KIAA1217: variants seen among roughly 807,000 people sequenced by gnomAD.
The protein encoded by KIAA1217 is KIAA1217.
A neutral mutation model predicts 163.9 loss-of-function variants in KIAA1217; 88 were observed. That is an observed-to-expected ratio of 0.54 (90% CI 0.45 to 0.64). KIAA1217 has a LOEUF of 0.64. Ranked by LOEUF, KIAA1217 falls within the 30% of genes least tolerant of loss-of-function variation. KIAA1217 has a pLI of 0.00. For missense variants in KIAA1217, 2,372 were observed against 2,475.0 expected, an observed-to-expected ratio of 0.96 and a Z score of 0.88; for synonymous variants, 903 against 923.1, an observed-to-expected ratio of 0.98 and a Z score of 0.39.
At chr10:24,344,448 A>G (rs2047476976) in intron 2 of KIAA1217, among the ~76,000 whole-genome samples, 2 of 152,190 alleles carry the variant, frequency 1.3e-5, no homozygotes, top group Admixed American at 1.3e-4. Flanking sequence ...GTTGAGACCT[A>G]TTCCTTCTCT....
chr10:23,997,930 A>G (rs115512502), intron 1 of KIAA1217, among the ~76,000 whole-genome samples: 2,844 of 151,554 alleles, frequency 0.019, 100 homozygotes, highest in African/African-American at 0.066. Context: ...GGGAACATTG[A>G]CTGGTTTTGT....
chr10:23,789,966 T>C (rs150410054), intron 1 of KIAA1217, among the ~76,000 whole-genome samples: 1,590 of 89,908 alleles, frequency 0.018, 246 homozygotes, highest in Admixed American at 0.044. Flanking sequence ...TATACACATA[T>C]ACATATACAT....
intron 3 of KIAA1217, among the ~76,000 whole-genome samples, chr10:24,395,271 C>A (rs888304689): frequency 5.9e-5 from 9 of 152,190 alleles, no homozygotes; most frequent in African/African-American, 2.2e-4. Flanking sequence ...CATCTGCCAC[C>A]TCTTTCCCCT....
At chr10:24,235,134 T>C (rs1207442162) in intron 2 of KIAA1217, among the ~76,000 whole-genome samples, 1 of 152,140 alleles carries the variant, frequency 6.6e-6, no homozygotes, top group Non-Finnish European at 1.5e-5. Flanking sequence ...TTAAATGAGG[T>C]CTACTCACAT....
chr10:23,714,797 G>A (rs1284021725), intron 1 of KIAA1217, among the ~76,000 whole-genome samples: 2 of 152,078 alleles, frequency 1.3e-5, no homozygotes, highest in Non-Finnish European at 2.9e-5. Flanking sequence ...TCAATAGAGG[G>A]TGGTTTATTG....
chr10:23,811,118 C>T (rs183101783), intron 1 of KIAA1217, among the ~76,000 whole-genome samples: 53 of 136,658 alleles, frequency 3.9e-4, no homozygotes, highest in Non-Finnish European at 4.9e-4. Context: ...TATATACACA[C>T]TATACATACT....
At position 24,543,220 on chromosome 10, in the gene KIAA1217, G is replaced by A. The variant is rs767887674; in HGVS notation, c.3950G>A (p.Cys1317Tyr). The change falls in exon 19 of 21, where the codon TGT becomes TAT. Residue 1317 changes from cysteine (C) to tyrosine (Y), a missense_variant. This residue lies in a region of KIAA1217 where 251 missense variants were observed against 327.3 expected (regional missense o/e 0.77). Transcript: ENST00000376454. ...KEMEKQNTDK[C>Y]HVSSHTRLTE... is the part of the protein sequence containing the mutation. ...ATGGAAAAGCAAAATACGGATAAGT[G>A]TCACGTTTCCTCTCACACTAGACTA... The A allele has an allele frequency of 3.7e-6, 6 of 1,613,632 alleles. No homozygotes were observed. The Admixed American group carries it at 1.0e-4, about 27-fold the overall frequency.
At chr10:24,183,861 T>C (rs953206478) in intron 2 of KIAA1217, among the ~76,000 whole-genome samples, 2 of 152,238 alleles carry the variant, frequency 1.3e-5, no homozygotes, top group Non-Finnish European at 2.9e-5. Flanking sequence ...CTTTCAAATA[T>C]ATTAAGACAA....
At chr10:23,819,102 T>C (rs920604063) in intron 1 of KIAA1217, among the ~76,000 whole-genome samples, 1 of 152,208 alleles carries the variant, frequency 6.6e-6, no homozygotes, top group Non-Finnish European at 1.5e-5. Flanking sequence ...AATTGAGGAA[T>C]TGTTGAGCAG....
intron 9 of KIAA1217, among the ~76,000 whole-genome samples, chr10:24,505,648 G>A (rs193228658): frequency 1.3e-5 from 2 of 152,110 alleles, no homozygotes; most frequent in Non-Finnish European, 1.5e-5. Flanking sequence ...CATAAAGAGA[G>A]GATGGCGACC....
chr10:24,493,528 G>A (rs2066410502), intron 6 of KIAA1217, among the ~76,000 whole-genome samples: 1 of 152,200 alleles, frequency 6.6e-6, no homozygotes, highest in Non-Finnish European at 1.5e-5. Context: ...AACGTCCATT[G>A]TCTGAGGTCT....
intron 1 of KIAA1217, among the ~76,000 whole-genome samples, chr10:23,913,989 G>C (rs1375839588): frequency 6.6e-6 from 1 of 152,112 alleles, no homozygotes; most frequent in Non-Finnish European, 1.5e-5. Context: ...TAGGTGCCAG[G>C]GGTGTTGCAG....
intron 1 of KIAA1217, among the ~76,000 whole-genome samples, chr10:23,928,936 G>T (rs906006638): frequency 1.6e-4 from 24 of 152,174 alleles, no homozygotes; most frequent in African/African-American, 4.8e-4. Flanking sequence ...GTTGAGGTCT[G>T]AATGACAAGT....
chr10:23,810,424 C>A (rs186223906), intron 1 of KIAA1217, among the ~76,000 whole-genome samples: 1 of 142,682 alleles, frequency 7.0e-6, no homozygotes, highest in Admixed American at 7.2e-5. Context: ...TATACACACA[C>A]GCTATATGTA....
intron 2 of KIAA1217, among the ~76,000 whole-genome samples, chr10:24,172,324 T>C (rs1364215770): frequency 6.6e-6 from 1 of 152,184 alleles, no homozygotes; most frequent in Non-Finnish European, 1.5e-5. Flanking sequence ...CAAGAGGATA[T>C]CTTTCATGTC....
intron 17 of KIAA1217, among the ~76,000 whole-genome samples, chr10:24,537,555 C>T (rs1379147423): frequency 2.1e-5 from 3 of 145,630 alleles, no homozygotes; most frequent in African/African-American, 7.7e-5. Flanking sequence ...CCAGCCTGGG[C>T]AACAAGAGCA....
intron 1 of KIAA1217, among the ~76,000 whole-genome samples, chr10:23,888,322 T>C (rs1436348645): frequency 6.6e-6 from 1 of 151,960 alleles, no homozygotes; most frequent in East Asian, 1.9e-4. Flanking sequence ...GAAATCAGGA[T>C]AGACATTGGT....
chr10:23,695,431 TG>T lies in KIAA1217; in HGVS notation c.-321+201del, dbSNP rs1421656580. ...GCCGGGAGGGGTCCCGGTGCGGTGATGGGGTGCCAAAAGGAGAAGACCCCCA... is the reference window on the plus strand; with the variant it reads ...GCCGGGAGGGGTCCCGGTGCGGTGATGGGTGCCAAAAGGAGAAGACCCCCA... On this transcript the variant is annotated intron_variant, in intron 1 of 18. Coordinates refer to the KIAA1217 transcript ENST00000376462. This position sits in a 1 kb window ranked among gnomAD's most constrained non-coding sequence, Gnocchi z 4.9. Among the ~76,000 whole-genome samples the T allele has an allele frequency of 2.6e-5, 4 of 151,962 alleles. No individual in the cohort carries two copies. The highest frequency in any genetic ancestry group is 4.4e-5 in the Non-Finnish European group (3 of 67,966).
At chr10:24,178,580 G>A (rs185686390) in intron 2 of KIAA1217, among the ~76,000 whole-genome samples, 12 of 152,330 alleles carry the variant, frequency 7.9e-5, no homozygotes, top group African/African-American at 2.6e-4. Context: ...ATTTCAGCCA[G>A]TAGATTCCTT....
Sources: gnomAD v4.1 joint callset for allele counts (sites outside exome capture counted in the v4.1 genomes callset) on GRCh38, gnomAD v4.1.1 for gene constraint, gnomAD v4.1.1 regional missense constraint, Gnocchi (gnomAD v3.1) non-coding constraint, MANE v1.5 for transcripts, NCBI Gene and HGNC (gene_info 2026-07-23, HGNC 2026-07-21) for gene names.